Variants in DAB1 observed in about 807,000 individuals in gnomAD.
DAB1 encodes the protein DAB adaptor protein 1, also known as disabled homolog 1.
Under a neutral mutation model 64.6 loss-of-function variants are expected in DAB1, and 15 were observed. The ratio of observed to expected loss-of-function variants is 0.23; its 90% CI spans 0.16 to 0.36. The LOEUF is 0.36. DAB1 is among the 10% of genes least tolerant of loss of function. The probability of loss-of-function intolerance (pLI) is 1.00; values close to 1 mark genes in which losing one functional copy is unlikely to be tolerated. For synonymous variants in DAB1, 235 were observed against 251.9 expected, an observed-to-expected ratio of 0.93 and a Z score of 0.64; for missense variants, 596 against 706.7, an observed-to-expected ratio of 0.84 and a Z score of 1.78.
chr1:57,889,386 G>A (rs1415384076), intron 5 of DAB1, among the ~76,000 whole-genome samples: 4 of 152,242 alleles, frequency 2.6e-5, no homozygotes, highest in Admixed American at 1.3e-4. Context: ...AAGTCAGTGT[G>A]TTCCAATAGC....
intron 2 of DAB1, among the ~76,000 whole-genome samples, chr1:57,238,839 G>A (rs1668282244): frequency 1.1e-5 from 1 of 89,956 alleles, no homozygotes; most frequent in Non-Finnish European, 2.1e-5. Flanking sequence ...GTGTGCACAT[G>A]CGCACACACA....
chr1:58,369,294 G>T (rs992244841), intron 3 of DAB1, among the ~76,000 whole-genome samples: 2 of 151,822 alleles, frequency 1.3e-5, no homozygotes, highest in African/African-American at 4.8e-5. Flanking sequence ...TTGTCTCGCC[G>T]TTTCCTTCTG....
intron 7 of DAB1, among the ~76,000 whole-genome samples, chr1:57,507,684 T>C (rs1644359664): frequency 6.6e-6 from 1 of 152,182 alleles, no homozygotes; most frequent in Non-Finnish European, 1.5e-5. Flanking sequence ...TAGGTTGCAC[T>C]TTCTCCTAGG....
intron 5 of DAB1, among the ~76,000 whole-genome samples, chr1:57,938,732 T>TC (rs34945099): frequency 0.57 from 86,835 of 151,638 alleles, 25,287 homozygotes; most frequent in African/African-American, 0.61. Context: ...TAAAACAATT[T>TC]ATCCTGTTGG....
At chr1:57,011,554 G>T (rs189630062) in intron 12 of DAB1, among the ~76,000 whole-genome samples, 2 of 152,278 alleles carry the variant, frequency 1.3e-5, no homozygotes, top group East Asian at 3.9e-4. Context: ...CTGGGAATTT[G>T]TTAGAAATGA....
At chr1:57,466,179 A>C (rs900357330) in intron 7 of DAB1, among the ~76,000 whole-genome samples, 1 of 152,224 alleles carries the variant, frequency 6.6e-6, no homozygotes, top group African/African-American at 2.4e-5. Context: ...TGGGACATTA[A>C]GCCAGAAAGA....
At chr1:57,002,756 T>C (rs1438452345) in intron 14 of DAB1, among the ~76,000 whole-genome samples, 1 of 152,222 alleles carries the variant, frequency 6.6e-6, no homozygotes, top group Non-Finnish European at 1.5e-5. Flanking sequence ...GGGGTGGGCC[T>C]GCCCCTGACT....
intron 6 of DAB1, among the ~76,000 whole-genome samples, chr1:57,806,249 C>T (rs1342256002): frequency 2.6e-5 from 4 of 152,108 alleles, no homozygotes; most frequent in Admixed American, 2.6e-4. Context: ...CTGTGTCCCT[C>T]CAAAATTATA....
At chr1:57,225,274 A>G (rs920615108) in intron 2 of DAB1, among the ~76,000 whole-genome samples, 7 of 152,190 alleles carry the variant, frequency 4.6e-5, no homozygotes, top group African/African-American at 1.7e-4. Context: ...AAGACTTGTC[A>G]CTGGGGTCTG....
intron 7 of DAB1, among the ~76,000 whole-genome samples, chr1:57,629,277 G>T (rs1378443377): frequency 6.6e-6 from 1 of 152,148 alleles, no homozygotes; most frequent in Non-Finnish European, 1.5e-5. Flanking sequence ...TCTTATAAAT[G>T]GCCAGCAGCT....
At chr1:57,039,997 C>T (rs375978770) in intron 9 of DAB1, among the ~76,000 whole-genome samples, 1 of 152,096 alleles carries the variant, frequency 6.6e-6, no homozygotes. Flanking sequence ...TACTGAGCAT[C>T]TATAAACAAA....
intron 6 of DAB1, among the ~76,000 whole-genome samples, chr1:57,657,740 TAGTA>T (rs1363857175): frequency 6.6e-6 from 1 of 152,224 alleles, no homozygotes; most frequent in East Asian, 1.9e-4. Context: ...GTAGTGGCAT[TAGTA>T]AGTAAGAAAA....
chr1:57,778,572 T>G (rs1649923330), intron 6 of DAB1, among the ~76,000 whole-genome samples: 1 of 152,046 alleles, frequency 6.6e-6, no homozygotes, highest in Non-Finnish European at 1.5e-5. Context: ...CTGGCAAGAA[T>G]TACTCTAACA....
At chr1:57,795,420 G>A (rs533584103) in intron 6 of DAB1, among the ~76,000 whole-genome samples, 30 of 151,830 alleles carry the variant, frequency 2.0e-4, no homozygotes, top group African/African-American at 7.0e-4. Context: ...ATTCCCTGGA[G>A]GACCAGGGAA....
intron 6 of DAB1, among the ~76,000 whole-genome samples, chr1:57,766,805 G>A (rs1372769896): frequency 6.6e-6 from 1 of 152,088 alleles, no homozygotes; most frequent in Non-Finnish European, 1.5e-5. Flanking sequence ...TGGGTCCCTA[G>A]GCAACACGCT....
intron 3 of DAB1, among the ~76,000 whole-genome samples, chr1:58,450,096 G>A (rs1332548583): frequency 6.6e-6 from 1 of 152,190 alleles, no homozygotes; most frequent in East Asian, 1.9e-4. Context: ...GATGGTATAT[G>A]CACCCTTCAC....
chr1:58,084,251 T>G (rs1650168706), intron 5 of DAB1, among the ~76,000 whole-genome samples: 1 of 152,052 alleles, frequency 6.6e-6, no homozygotes, highest in African/African-American at 2.4e-5. Flanking sequence ...CATCAGTAAA[T>G]GGCAGTCTTA....
intron 7 of DAB1, among the ~76,000 whole-genome samples, chr1:57,522,672 A>C (rs543821979): frequency 7.2e-5 from 11 of 152,182 alleles, no homozygotes; most frequent in Admixed American, 4.6e-4. Flanking sequence ...GGATTGAAGG[A>C]TGCAAAGTAT....
chr1:57,913,809 G>A (rs1644684857), intron 5 of DAB1, among the ~76,000 whole-genome samples: 1 of 152,148 alleles, frequency 6.6e-6, no homozygotes. Flanking sequence ...CTTCTCAAAA[G>A]AAGACATTTA....
Sources: gnomAD v4.1 joint callset for allele counts (sites outside exome capture counted in the v4.1 genomes callset) on GRCh38, gnomAD v4.1.1 for gene constraint, MANE v1.5 for transcripts, NCBI Gene and HGNC (gene_info 2026-07-23, HGNC 2026-07-21) for gene names.